The following CNKSR3 variants were observed in gnomAD, a reference collection of about 807,000 sequenced individuals.
CNKSR3 encodes connector enhancer of kinase suppressor of ras 3.
Under a neutral mutation model 67.7 loss-of-function variants are expected in CNKSR3, and 36 were observed. That is an observed-to-expected ratio of 0.53 (90% confidence interval 0.41 to 0.70). CNKSR3 has a LOEUF of 0.70. Ranked by LOEUF, CNKSR3 falls within the 30% of genes least tolerant of loss-of-function variation. The pLI, the probability that CNKSR3 is intolerant of heterozygous loss-of-function variation, is 0.00. For missense variants in CNKSR3, 630 were observed against 695.2 expected (o/e 0.91, Z 1.05); for synonymous variants, 281 against 271.4 (o/e 1.04, Z -0.35).
Position 154,442,737 on chromosome 6 carries a change from TC to T in CNKSR3, c.217-448del, listed in dbSNP as rs139366473. Among the ~76,000 whole-genome samples the T allele has an allele frequency of 7.1e-3, 1,079 of 152,152 alleles. 7 individuals are homozygous for T. Among genetic ancestry groups the T allele is most frequent in the Non-Finnish European group, 0.01 (685 of 67,978 alleles). On this transcript the variant is annotated intron_variant, in intron 2 of 12. Transcript: ENST00000607772. ...CAACCACAAAACCCTATGTGATCTATCCCCAGCCCACTTCACTCACCCCACC... is the reference window on the plus strand; with the variant it reads ...CAACCACAAAACCCTATGTGATCTATCCCAGCCCACTTCACTCACCCCACC...
chr6:154,426,339 T>C (rs552378531), intron 7 of CNKSR3, among the ~76,000 whole-genome samples: 19 of 143,552 alleles, frequency 1.3e-4, no homozygotes, highest in Admixed American at 8.5e-4. Context: ...AGTCTGTCAT[T>C]GAACTCTTTT....
At chr6:154,442,520 G>A (rs1313575093) in intron 2 of CNKSR3, among the ~76,000 whole-genome samples, 1 of 152,048 alleles carries the variant, frequency 6.6e-6, no homozygotes, top group East Asian at 1.9e-4. Context: ...TACTCGGGAG[G>A]CTGAGGCAGG....
At chr6:154,424,230 CA>C (rs56218677) in intron 7 of CNKSR3, among the ~76,000 whole-genome samples, 19,382 of 72,706 alleles carry the variant, frequency 0.27, 934 homozygotes, top group East Asian at 0.46. Flanking sequence ...GACTCCGTCT[CA>C]AAAAAAAAAA....
intron 9 of CNKSR3, among the ~76,000 whole-genome samples, chr6:154,415,097 C>CAAAA (rs1157415390): frequency 9.0e-5 from 3 of 33,222 alleles, no homozygotes; most frequent in African/African-American, 1.5e-4. Flanking sequence ...GACTCTGTCT[C>CAAAA]AAAAAAAAAA....
At chr6:154,498,327 A>G (rs887932659) in intron 1 of CNKSR3, among the ~76,000 whole-genome samples, 2 of 151,850 alleles carry the variant, frequency 1.3e-5, no homozygotes, top group African/African-American at 4.9e-5. Flanking sequence ...AAACTGGTCC[A>G]TAGATATGTT....
intron 1 of CNKSR3, among the ~76,000 whole-genome samples, chr6:154,473,519 C>T (rs1786375221): frequency 6.6e-6 from 1 of 152,130 alleles, no homozygotes; most frequent in Non-Finnish European, 1.5e-5. Context: ...CCTCCTGCCA[C>T]GATGCTGGGG....
chr6:154,448,967 T>C (rs144870173), intron 2 of CNKSR3, among the ~76,000 whole-genome samples: 1 of 152,318 alleles, frequency 6.6e-6, no homozygotes, highest in East Asian at 1.9e-4. Flanking sequence ...TCCTGACAGT[T>C]AAGTAAACTG....
At chr6:154,476,130 T>C (rs6942269) in intron 1 of CNKSR3, among the ~76,000 whole-genome samples, 9,718 of 152,090 alleles carry the variant, frequency 0.064, 1,018 homozygotes, top group African/African-American at 0.22. Flanking sequence ...ACCTATGCCA[T>C]CAAGTACATT....
chr6:154,488,407 C>T (rs1460983241), intron 1 of CNKSR3, among the ~76,000 whole-genome samples: 1 of 152,174 alleles, frequency 6.6e-6, no homozygotes, highest in Non-Finnish European at 1.5e-5. Flanking sequence ...AGTTACTACT[C>T]TTAGGAAATG....
intron 11 of CNKSR3, 28 bp downstream of exon 11, chr6:154,410,906 C>A: frequency 6.3e-7 from 1 of 1,576,804 alleles, no homozygotes. Flanking sequence ...AGGCCAACGG[C>A]AGAACAAAAC....
At chr6:154,443,348 C>T (rs1235191038) in intron 2 of CNKSR3, among the ~76,000 whole-genome samples, 1 of 152,150 alleles carries the variant, frequency 6.6e-6, no homozygotes, top group South Asian at 2.1e-4. Flanking sequence ...GTCCCTGTGT[C>T]TTACAGGATG....
Position 154,505,584 on chromosome 6 carries a change from G to A in CNKSR3, c.52+4479C>T, listed in dbSNP as rs539189520. Among the ~76,000 whole-genome samples the A allele has an allele frequency of 2.0e-5, 3 of 149,520 alleles. 1 individual carries two copies. The highest frequency in any genetic ancestry group is 4.1e-4 in the East Asian group (2 of 4,840). On this transcript the variant is annotated intron_variant, in intron 1 of 12. Coordinates refer to ENST00000607772, the MANE Select transcript of CNKSR3 (RefSeq NM_173515.4). ...ACGATCTCGGCTCACTGCAGCCTCC[G>A]CCTCCCGGGTTCATGCCATTCTCCT...
rs547463647 is a variant in CNKSR3, at chr6:154,505,567, G to A, written c.52+4496C>T. On this transcript the variant is annotated intron_variant, in intron 1 of 12. Coordinates refer to ENST00000607772, the MANE Select transcript of CNKSR3 (RefSeq NM_173515.4). ...GGCTGGAGTGCAGTGGCACGATCTC[G>A]GCTCACTGCAGCCTCCGCCTCCCGG... is the stretch of plus-strand genomic sequence containing the variant. 3.3e-5 allele frequency among the ~76,000 whole-genome samples: 5 copies of A among 149,316 alleles called. No homozygotes were observed. The East Asian group carries it at 8.3e-4, about 25-fold the overall frequency.
At position 154,391,244 on chromosome 6, in the gene CNKSR3, CT is replaced by C. The variant is rs1431590355; in HGVS notation, c.*15109del. ...GCATTTTAACTGAATCACTTTTTTT[CT>C]TTTTTTGAGACGGGGTCTCACTCTG... On this transcript the variant is annotated 3_prime_UTR_variant, in exon 13 of 13. Transcript: ENST00000607772. The C allele has an allele frequency of 6.7e-6, 1 of 150,100 alleles. No individual in the cohort carries two copies. 9.3% of individuals were successfully genotyped at this position (150,100 alleles called of 1,614,324 possible).
Position 154,477,774 on chromosome 6 carries a change from G to C in CNKSR3, c.53-27516C>G, listed in dbSNP as rs145868326. ...TGGACTCCCAATCAATGTGCATGGA[G>C]GCTCTCCCTAAATACTTGTCATCAG... On this transcript the variant is annotated intron_variant, in intron 1 of 12. Transcript: ENST00000607772. Among the ~76,000 whole-genome samples, 963 of 152,304 alleles carry C rather than the reference G, an allele frequency of 6.3e-3. 11 individuals carry two copies. The highest frequency in any genetic ancestry group is 0.022 in the African/African-American group (924 of 41,564).
rs777352695 is a variant in CNKSR3 at position 154,433,459 on chromosome 6, T to C, written c.549+7A>G. 1 of 1,571,064 alleles carries C rather than the reference T, an allele frequency of 6.4e-7. No homozygotes were observed. Among genetic ancestry groups the C allele is most frequent in the Admixed American group, 1.7e-5 (1 of 57,774 alleles). ...ATTTTACAATAACTTTTAGAATGTA[T>C]ACTTACCACAGTTAAAACTTTATCC... On this transcript the variant is annotated splice_region_variant and intron_variant, in intron 5 of 12. Coordinates refer to ENST00000607772, the MANE Select transcript of CNKSR3 (RefSeq NM_173515.4).
intron 1 of CNKSR3, among the ~76,000 whole-genome samples, chr6:154,464,606 C>T (rs1207761342): frequency 1.3e-5 from 2 of 151,484 alleles, no homozygotes; most frequent in Non-Finnish European, 2.9e-5. Flanking sequence ...ATCCCAGCTA[C>T]TCGGGAGGCT....
At chr6:154,415,425 T>C (rs1399138773) in intron 9 of CNKSR3, among the ~76,000 whole-genome samples, 1 of 151,820 alleles carries the variant, frequency 6.6e-6, no homozygotes, top group Non-Finnish European at 1.5e-5. Context: ...GAGATGGCGT[T>C]TTGCCATGTT....
chr6:154,406,620 C>T lies in CNKSR3; in HGVS notation c.1402G>A (p.Glu468Lys), dbSNP rs749538561. 12 of 1,613,616 alleles carry T rather than the reference C, an allele frequency of 7.4e-6. No homozygotes were observed. Among genetic ancestry groups the T allele is most frequent in the Non-Finnish European group, 1.0e-5 (12 of 1,179,696 alleles). Residue 468 changes from glutamate (E) to lysine (K), a missense_variant, in exon 13 of 13, where the codon GAG (glutamate) becomes AAG (lysine). Physicochemically the swap from Glu to Lys is moderately conservative, Grantham distance 56 (BLOSUM62 1). Coordinates refer to ENST00000607772, the MANE Select transcript of CNKSR3 (RefSeq NM_173515.4). ...TCTTCAATGATCGGAGGAATCCGCT[C>T]GTTACTGAAATACCGGCAAAGGGCA... is the stretch of plus-strand genomic sequence containing the variant. Reference protein sequence around the residue: ...EDALCRYFSNERIPPIIEESS... With the variant: ...EDALCRYFSNKRIPPIIEESS...
Sources: allele counts gnomAD v4.1 joint callset (sites outside exome capture counted in the v4.1 genomes callset), GRCh38; gene constraint gnomAD v4.1.1; transcripts MANE v1.5; gene names NCBI Gene and HGNC (gene_info 2026-07-23, HGNC 2026-07-21).